Variants in GRID2 observed in about 807,000 individuals in gnomAD.
GRID2 encodes the protein glutamate receptor ionotropic, delta-2.
In GRID2, 33 loss-of-function variants were observed where a neutral mutation model predicts 114.8. The observed-to-expected ratio is 0.29, with a 90% CI of 0.22 to 0.38. The LOEUF (loss-of-function observed/expected upper bound fraction) is 0.38, where lower values mean the gene tolerates loss of function less well. GRID2 is among the 10% of genes least tolerant of loss of function. The pLI, the probability that GRID2 is intolerant of heterozygous loss-of-function variation, is 1.00. For synonymous variants in GRID2, 505 were observed against 449.9 expected, an observed-to-expected ratio of 1.12 and a Z score of -1.55; for missense variants, 1,184 against 1,257.7, an observed-to-expected ratio of 0.94 and a Z score of 0.89.
intron 2 of GRID2, among the ~76,000 whole-genome samples, chr4:92,768,926 C>T (rs1738399120): frequency 6.6e-6 from 1 of 152,098 alleles, no homozygotes; most frequent in East Asian, 1.9e-4. Context: ...ATTATTCTGC[C>T]CTGACTGCTC....
At chr4:93,789,431 A>G (rs1471912295) in intron 1 of GRID2, among the ~76,000 whole-genome samples, 1 of 152,214 alleles carries the variant, frequency 6.6e-6, no homozygotes, top group Non-Finnish European at 1.5e-5. Context: ...GACAACTTCA[A>G]TTCATAGAAT....
At chr4:92,395,996 T>C (rs1171376938) in intron 1 of GRID2, among the ~76,000 whole-genome samples, 1 of 151,862 alleles carries the variant, frequency 6.6e-6, no homozygotes, top group Non-Finnish European at 1.5e-5. Flanking sequence ...CATACACAGC[T>C]TTTTAAGTAA....
intron 10 of GRID2, among the ~76,000 whole-genome samples, chr4:93,446,528 T>G (rs1366152094): frequency 6.6e-6 from 1 of 152,038 alleles, no homozygotes; most frequent in Admixed American, 6.6e-5. Flanking sequence ...GAGATCAGGC[T>G]GTTAAGGTAT....
intron 2 of GRID2, among the ~76,000 whole-genome samples, chr4:92,640,552 T>G (rs1263333614): frequency 6.6e-6 from 1 of 151,828 alleles, no homozygotes; most frequent in Non-Finnish European, 1.5e-5. Context: ...AGAAAGGATC[T>G]CTGCTTAGAT....
At chr4:93,608,136 G>A (rs1040288750) in intron 13 of GRID2, among the ~76,000 whole-genome samples, 30 of 147,878 alleles carry the variant, frequency 2.0e-4, no homozygotes, top group African/African-American at 5.9e-4. Flanking sequence ...ATATATATAC[G>A]TCTATGTGTA....
At chr4:92,310,679 C>T (rs1212755949) in intron 1 of GRID2, among the ~76,000 whole-genome samples, 1 of 151,900 alleles carries the variant, frequency 6.6e-6, no homozygotes, top group Non-Finnish European at 1.5e-5. Flanking sequence ...TAATTGAATA[C>T]ATTGGAAAGT....
intron 8 of GRID2, among the ~76,000 whole-genome samples, chr4:93,323,696 A>G (rs1757502733): frequency 6.6e-6 from 1 of 152,058 alleles, no homozygotes. Context: ...ATGTTCTTCC[A>G]TTTGTTTGTG....
At chr4:93,499,979 T>C (rs79838387) in intron 12 of GRID2, among the ~76,000 whole-genome samples, 3,414 of 152,080 alleles carry the variant, frequency 0.022, 60 homozygotes, top group South Asian at 0.058. Context: ...TAAACCTTTA[T>C]TGTATGAAAT....
chr4:93,036,507 A>G (rs1052732909), intron 2 of GRID2, among the ~76,000 whole-genome samples: 1 of 152,170 alleles, frequency 6.6e-6, no homozygotes, highest in Non-Finnish European at 1.5e-5. Flanking sequence ...ATTAATGAAA[A>G]TCAAAATAAT....
At chr4:93,303,459 G>C (rs1755082859) in intron 8 of GRID2, among the ~76,000 whole-genome samples, 1 of 152,088 alleles carries the variant, frequency 6.6e-6, no homozygotes, top group South Asian at 2.1e-4. Context: ...TGTCATTCTT[G>C]GGGTAGGATG....
intron 1 of GRID2, among the ~76,000 whole-genome samples, chr4:92,315,066 T>A (rs928142289): frequency 5.3e-5 from 8 of 152,182 alleles, no homozygotes; most frequent in South Asian, 4.1e-4. Flanking sequence ...ACCTCAGAAT[T>A]CAGCCTTTTG....
chr4:93,783,897 C>T lies in GRID2; in HGVS notation c.221+14447C>T, dbSNP rs942169884. On this transcript the variant is annotated intron_variant, in intron 1 of 1. Transcript: ENST00000637838. ...ACCATCCCGGCTAAAACGGTGAAAC[C>T]CCGTCTCTACTAAAAATACAAAAAA... 1.1e-4 allele frequency among the ~76,000 whole-genome samples: 16 copies of T among 150,858 alleles called. 1 individual carries two copies. Among genetic ancestry groups the T allele is most frequent in the African/African-American group, 3.9e-4 (16 of 40,998 alleles).
chr4:92,982,038 A>AAG (rs1364365982), intron 2 of GRID2, among the ~76,000 whole-genome samples: 4 of 112,832 alleles, frequency 3.5e-5, no homozygotes, highest in African/African-American at 1.2e-4. Context: ...AAAAAAAAAA[A>AAG]AAAAAAAGAA....
At chr4:93,428,537 G>A (rs989832701) in intron 10 of GRID2, among the ~76,000 whole-genome samples, 47 of 152,072 alleles carry the variant, frequency 3.1e-4, no homozygotes, top group African/African-American at 1.1e-3. Flanking sequence ...AAAAAGGATT[G>A]TAATTTTAAT....
At chr4:92,772,013 C>T (rs556908771) in intron 2 of GRID2, among the ~76,000 whole-genome samples, 6 of 152,202 alleles carry the variant, frequency 3.9e-5, no homozygotes, top group Admixed American at 1.3e-4. Context: ...CCTCCAAAAA[C>T]GATGATGGAA....
intron 14 of GRID2, among the ~76,000 whole-genome samples, chr4:93,653,729 A>G (rs561901018): frequency 6.6e-6 from 1 of 152,214 alleles, no homozygotes; most frequent in East Asian, 1.9e-4. Context: ...TCTTTGTCTC[A>G]ACAACCTACT....
At chr4:93,323,083 G>T (rs956547934) in intron 8 of GRID2, among the ~76,000 whole-genome samples, 11 of 152,090 alleles carry the variant, frequency 7.2e-5, no homozygotes, top group African/African-American at 2.7e-4. Flanking sequence ...GGCTTTTGTT[G>T]CCATTGCTTT....
intron 12 of GRID2, among the ~76,000 whole-genome samples, chr4:93,503,560 G>A (rs1009384810): frequency 6.9e-6 from 1 of 144,560 alleles, no homozygotes; most frequent in Non-Finnish European, 1.5e-5. Flanking sequence ...CCACCTATGA[G>A]TGAGAACATG....
intron 2 of GRID2, among the ~76,000 whole-genome samples, chr4:92,969,929 T>C (rs1481779542): frequency 1.3e-5 from 2 of 151,928 alleles, no homozygotes; most frequent in Non-Finnish European, 1.5e-5. Flanking sequence ...TAAAATAGTT[T>C]TAAAAATTTC....
Sources: allele counts gnomAD v4.1 joint callset (sites outside exome capture counted in the v4.1 genomes callset), GRCh38; gene constraint gnomAD v4.1.1; transcripts MANE v1.5; gene names NCBI Gene and HGNC (gene_info 2026-07-23, HGNC 2026-07-21).